SAMD14: variants seen among roughly 807,000 people sequenced by gnomAD.
The protein encoded by SAMD14 is sterile alpha motif domain containing 14, also known as sterile alpha motif domain-containing protein 14.
A neutral mutation model predicts 46.2 loss-of-function variants in SAMD14; 27 were observed. The ratio of observed to expected loss-of-function variants is 0.58; its 90% CI spans 0.43 to 0.81. SAMD14 has a LOEUF of 0.81. SAMD14 is among the 30% of genes least tolerant of loss of function. The pLI is 0.00. For missense variants in SAMD14, 559 were observed against 582.2 expected (o/e 0.96, Z 0.41); for synonymous variants, 241 against 254.3 (o/e 0.95, Z 0.50).
At chr17:50,125,268 C>G in intron 1 of SAMD14, 1 of 370,874 alleles carries the variant, frequency 2.7e-6, no homozygotes, top group East Asian at 5.3e-5. Context: ...TGTGCCTTCA[C>G]GTGGGTCACT....
At chr17:50,120,638 A>G (rs1911457782) in intron 2 of SAMD14, among the ~76,000 whole-genome samples, 1 of 152,118 alleles carries the variant, frequency 6.6e-6, no homozygotes, top group Non-Finnish European at 1.5e-5. Context: ...GAGTCAGCCT[A>G]TGCTCCCTTG....
At position 50,116,075 on chromosome 17, in the gene SAMD14, G is replaced by C; in HGVS notation, c.515C>G (p.Ala172Gly). The C allele has an allele frequency of 6.2e-7, 1 of 1,613,766 alleles. No homozygotes were observed. Among genetic ancestry groups the C allele is most frequent in the East Asian group, 2.2e-5 (1 of 44,860 alleles). The change falls in exon 5 of 10, where the codon GCC becomes GGC. Residue 172 changes from alanine (A) to glycine (G), a missense_variant. Transcript: ENST00000330175. ...GGGGCTGGCGGGCTCAGGAGGACTGGCGTCACGGCTGTCATCTTTCCAGGG... is the reference window on the plus strand; with the variant it reads ...GGGGCTGGCGGGCTCAGGAGGACTGCCGTCACGGCTGTCATCTTTCCAGGG... Reference protein sequence around the residue: ...EPHSEDDSRDASPPEPASPTI... With the variant: ...EPHSEDDSRDGSPPEPASPTI...
intron 9 of SAMD14, chr17:50,113,441 C>A: frequency 3.9e-6 from 1 of 259,272 alleles, no homozygotes; most frequent in East Asian, 1.0e-4. Context: ...TTTCACCATC[C>A]CTGCCCCAAG....
chr17:50,124,960 G>T lies in SAMD14; in HGVS notation c.-1C>A. ...GTTCTCGGAGCTTTGAAGAAGCCAT[G>T]ACTCAAGAGAGCTGGGAAGGACAAG... On this transcript the variant is annotated 5_prime_UTR_variant, in exon 2 of 10. Transcript: ENST00000330175. 1 of 1,614,016 alleles carries T rather than the reference G, an allele frequency of 6.2e-7. No individual in the cohort carries two copies. Among genetic ancestry groups the T allele is most frequent in the Non-Finnish European group, 8.5e-7 (1 of 1,179,970 alleles).
At chr17:50,124,768 C>T (rs565132283) in intron 2 of SAMD14, 149 bp downstream of exon 2, 24 of 718,360 alleles carry the variant, frequency 3.3e-5, no homozygotes, top group South Asian at 7.8e-5. Context: ...TGCACGCGCG[C>T]GCGCACACAC....
At position 50,115,685 on chromosome 17, in the gene SAMD14, G is replaced by A. The variant is rs148602607; in HGVS notation, c.701C>T (p.Pro234Leu). 43 of 1,607,374 alleles carry A rather than the reference G, an allele frequency of 2.7e-5. No individual in the cohort carries two copies. Among genetic ancestry groups the A allele is most frequent in the Middle Eastern group, 1.7e-4 (1 of 6,040 alleles). ...VEGSGRSGGSPFLPFSWFTDS... is the reference protein window; with the variant it reads ...VEGSGRSGGSLFLPFSWFTDS... ...CGTGAACCAGGAAAAAGGCAGGAAC[G>A]GGGAGCCCCCTGACCTGCCGGACCC... Residue 234 changes from proline to leucine, a missense_variant, in exon 7 of 10, where the codon CCG becomes CTG. By Grantham distance (98) the Pro-to-Leu change is moderately conservative. Coordinates refer to ENST00000330175, the MANE Select transcript of SAMD14 (RefSeq NM_001257359.2). This position sits in a 1 kb window ranked among gnomAD's most constrained non-coding sequence, Gnocchi z 5.3.
At chr17:50,124,771 GCACACACACACACACACACACA>G (rs10522793) in intron 2 of SAMD14, 124 bp downstream of exon 2, 2 of 567,466 alleles carry the variant, frequency 3.5e-6, no homozygotes, top group Non-Finnish European at 6.3e-6. Flanking sequence ...ACGCGCGCGC[GCACACACACACACACACACACA>G]CACACACACA....
Position 50,117,705 on chromosome 17 carries a change from G to T in SAMD14, c.211-10C>A, listed in dbSNP as rs1911297140. 1 of 1,430,746 alleles carries T rather than the reference G, an allele frequency of 7.0e-7. No individual in the cohort carries two copies. Among genetic ancestry groups the T allele is most frequent in the Non-Finnish European group, 9.1e-7 (1 of 1,098,118 alleles). The allele number at this position is 1,430,746 out of a possible 1,614,324, so 88.6% of individuals were successfully genotyped here. ...CGCAGCCATCGGTCACCTGGACGAG[G>T]GGGCAGCCGCTCACCGAGAACCCTC... On this transcript the variant is annotated splice_polypyrimidine_tract_variant and intron_variant, in intron 3 of 9. Transcript: ENST00000330175.
intron 2 of SAMD14, 29 bp from the exon 3 acceptor site, chr17:50,118,356 C>T (rs751097859): frequency 6.2e-7 from 1 of 1,606,192 alleles, no homozygotes; most frequent in African/African-American, 1.3e-5. Flanking sequence ...GAGCAGAGAC[C>T]AGACACATGA....
intron 4 of SAMD14, 56 bp downstream of exon 4, chr17:50,117,351 A>C: frequency 7.9e-7 from 1 of 1,260,384 alleles, no homozygotes; most frequent in Non-Finnish European, 1.0e-6. Flanking sequence ...CGGGACCGGG[A>C]GGGCTGCTGC....
intron 2 of SAMD14, among the ~76,000 whole-genome samples, chr17:50,119,532 A>G (rs537211947): frequency 3.6e-4 from 55 of 152,014 alleles, no homozygotes; most frequent in African/African-American, 1.3e-3. Flanking sequence ...TTCTATTTCC[A>G]GCCTTGACAC....
In SAMD14 at chr17:50,116,210, C is replaced by G. The variant is rs1911191799; in HGVS notation, c.500-120G>C. The G allele has an allele frequency of 2.1e-6, 3 of 1,438,180 alleles. No homozygotes were observed. The Admixed American group carries it at 7.8e-5, about 37-fold the overall frequency. 89.1% of individuals were successfully genotyped at this position (1,438,180 alleles called of 1,614,324 possible). A position where few individuals can be genotyped will look rare whatever the true frequency, so the allele number is the denominator to read the frequency against. On this transcript the variant is annotated intron_variant, in intron 4 of 9. Coordinates refer to ENST00000330175, the MANE Select transcript of SAMD14 (RefSeq NM_001257359.2). ...GAATCAGGCATCCTGGCTCTGGTGG[C>G]CTTCACTAGCTGGGTGTCCTAGGAT...
Position 50,124,972 on chromosome 17 carries a change from C to A in SAMD14, c.-12-1G>T. On this transcript the variant is annotated splice_acceptor_variant, in intron 1 of 9. Transcript: ENST00000330175. LOFTEE classifies it low-confidence loss of function (5UTR_SPLICE). ...TTGAAGAAGCCATGACTCAAGAGAG[C>A]TGGGAAGGACAAGAGGGGAGAGAAA... 6.2e-7 allele frequency: 1 copy of A among 1,613,820 alleles called. No individual in the cohort carries two copies.
intron 2 of SAMD14, 152 bp downstream of exon 2, chr17:50,124,765 G>GCGCA (rs1911676380): frequency 4.7e-6 from 3 of 634,206 alleles, no homozygotes; most frequent in Middle Eastern, 4.4e-4. Flanking sequence ...GCGTGCACGC[G>GCGCA]CGCGCGCACA....
chr17:50,125,032 C>G, intron 1 of SAMD14, 61 bp from the exon 2 acceptor site: 3 of 1,520,508 alleles, frequency 2.0e-6, no homozygotes, highest in Non-Finnish European at 2.7e-6. Flanking sequence ...TTCAGGCTGA[C>G]CGAGGCAGAA....
At chr17:50,124,449 C>T (rs2144414171) in intron 2 of SAMD14, among the ~76,000 whole-genome samples, 1 of 152,216 alleles carries the variant, frequency 6.6e-6, no homozygotes, top group East Asian at 1.9e-4. Context: ...CTGGAGTTTA[C>T]AGATGTATAG....
At chr17:50,113,849 G>A in intron 9 of SAMD14, 75 bp downstream of exon 9, 2 of 1,578,440 alleles carry the variant, frequency 1.3e-6, no homozygotes, top group East Asian at 2.3e-5. Flanking sequence ...TCAAAGGTCA[G>A]GATGAGGGAC....
At chr17:50,126,133 C>G (rs1238764358) in intron 1 of SAMD14, among the ~76,000 whole-genome samples, 1 of 152,030 alleles carries the variant, frequency 6.6e-6, no homozygotes, top group Non-Finnish European at 1.5e-5. Flanking sequence ...GAGACATGAC[C>G]TCCAATTACT....
rs116180272 is a variant in SAMD14, at chr17:50,113,588, G to A, written c.1098+336C>T. Reference sequence around the variant, plus strand: ...ACAGAATCAGACCAAGCTGACCAGGGGGAGATGTGGCTTCCCATGATACCA... The same window carrying A: ...ACAGAATCAGACCAAGCTGACCAGGAGGAGATGTGGCTTCCCATGATACCA... On this transcript the variant is annotated intron_variant, in intron 9 of 9. Transcript: ENST00000330175. 941 of 347,126 alleles carry A rather than the reference G, an allele frequency of 2.7e-3. 1 individual carries two copies. Among genetic ancestry groups the A allele is most frequent in the African/African-American group, 4.9e-3 (235 of 47,914 alleles). The allele number at this position is 347,126 out of a possible 1,614,324, so 21.5% of individuals were successfully genotyped here.
Sources: allele counts gnomAD v4.1 joint callset (sites outside exome capture counted in the v4.1 genomes callset), GRCh38; gene constraint gnomAD v4.1.1; non-coding constraint Gnocchi (gnomAD v3.1); transcripts MANE v1.5; gene names NCBI Gene and HGNC (gene_info 2026-07-23, HGNC 2026-07-21).